The following UROS variants were observed in gnomAD, a reference collection of about 807,000 sequenced individuals.
UROS encodes the protein uroporphyrinogen-III synthase.
A neutral mutation model predicts 33.0 loss-of-function variants in UROS; 18 were observed. The ratio of observed to expected loss-of-function variants is 0.55; its 90% CI spans 0.38 to 0.81. The LOEUF is 0.81. Among genes scored for constraint, UROS ranks in the 30% least tolerant of loss-of-function variants. The pLI is 0.00. For missense variants in UROS, 293 were observed against 314.9 expected, an observed-to-expected ratio of 0.93 and a Z score of 0.53; for synonymous variants, 114 against 121.1, an observed-to-expected ratio of 0.94 and a Z score of 0.38.
At chr10:125,822,050 T>C (rs1213664006) in intron 1 of UROS, among the ~76,000 whole-genome samples, 2 of 152,178 alleles carry the variant, frequency 1.3e-5, no homozygotes, top group Non-Finnish European at 2.9e-5. Context: ...AGCAGCCTAT[T>C]AGCGCAGCTC....
chr10:125,796,822 C>T (rs1851411318), intron 7 of UROS: 3 of 985,376 alleles, frequency 3.0e-6, no homozygotes, highest in Non-Finnish European at 3.6e-6. Flanking sequence ...TTATGAGGGG[C>T]AGCCAGATGG....
chr10:125,814,833 G>A (rs149111974), intron 4 of UROS, among the ~76,000 whole-genome samples: 1 of 152,260 alleles, frequency 6.6e-6, no homozygotes, highest in African/African-American at 2.4e-5. Context: ...AATAGACAGG[G>A]GAAAGTCCTC....
chr10:125,796,187 C>A lies in UROS; in HGVS notation c.477G>T (p.Gly159=). 2 of 1,614,146 alleles carry A rather than the reference C, an allele frequency of 1.2e-6. No individual in the cohort carries two copies. The highest frequency in any genetic ancestry group is 1.7e-6 in the Non-Finnish European group (2 of 1,180,026). Residue 159 remains glycine (G), a splice_region_variant and synonymous_variant, in exon 8 of 10, where the codon GGG becomes GGT. Transcript: ENST00000368797. ...EILPKALKDK[G]IAMESITVYQ... ...ACACAGTTATGCTTTCCATGGCAAT[C>A]CCTGGGCACAATCAAAAGCAGGAAA...
intron 1 of UROS, among the ~76,000 whole-genome samples, chr10:125,822,696 G>A (rs1229817636): frequency 6.6e-6 from 1 of 152,178 alleles, no homozygotes; most frequent in Non-Finnish European, 1.5e-5. Context: ...GACCTCTGGT[G>A]ATCCACCCGC....
chr10:125,789,161 G>T, intron 9 of UROS, 156 bp from the exon 10 acceptor site: 1 of 1,416,406 alleles, frequency 7.1e-7, no homozygotes, highest in South Asian at 1.3e-5. Flanking sequence ...CCCGATTCTA[G>T]CCCAGCTTCT....
At chr10:125,822,075 A>G (rs1395365374) in intron 1 of UROS, among the ~76,000 whole-genome samples, 1 of 152,132 alleles carries the variant, frequency 6.6e-6, no homozygotes, top group African/African-American at 2.4e-5. Context: ...CATTCCTAGA[A>G]TCAAACATAT....
chr10:125,818,417 CAGG>C (rs1564806076), intron 1 of UROS, among the ~76,000 whole-genome samples: 2 of 152,048 alleles, frequency 1.3e-5, no homozygotes, highest in African/African-American at 4.8e-5. Context: ...CACTTGAGCC[CAGG>C]AGTTCAAGGT....
At chr10:125,791,054 T>C (rs1253238416) in intron 9 of UROS, among the ~76,000 whole-genome samples, 4 of 149,746 alleles carry the variant, frequency 2.7e-5, no homozygotes, top group African/African-American at 9.9e-5. Context: ...ATTGTGTCAC[T>C]GCACTCCAGC....
At chr10:125,788,105 T>G (rs1180021784), downstream of UROS, among the ~76,000 whole-genome samples, 1 of 152,176 alleles carries the variant, frequency 6.6e-6, no homozygotes, top group Non-Finnish European at 1.5e-5. Context: ...CAGAGGTGTG[T>G]GGGCAGAGCC....
intron 3 of UROS, among the ~76,000 whole-genome samples, chr10:125,815,363 C>T (rs540744844): frequency 5.9e-5 from 9 of 152,128 alleles, no homozygotes; most frequent in Non-Finnish European, 1.0e-4. Flanking sequence ...TCAGGAAGCT[C>T]AGAGTCTAGG....
At chr10:125,789,931 G>A (rs1240052424) in intron 9 of UROS, among the ~76,000 whole-genome samples, 1 of 152,222 alleles carries the variant, frequency 6.6e-6, no homozygotes. Flanking sequence ...ACTCTCCTCT[G>A]CATTGAGACT....
At chr10:125,794,731 C>G (rs1851203811) in intron 9 of UROS, 149 bp downstream of exon 9, 1 of 712,354 alleles carries the variant, frequency 1.4e-6, no homozygotes, top group Non-Finnish European at 2.3e-6. Flanking sequence ...GTGCAACAGC[C>G]CAGCAGGAGG....
intron 5 of UROS, among the ~76,000 whole-genome samples, chr10:125,808,650 T>C (rs1322040337): frequency 6.6e-6 from 1 of 152,220 alleles, no homozygotes; most frequent in Non-Finnish European, 1.5e-5. Context: ...AACTCTCATA[T>C]ATAGCTTTGC....
At chr10:125,800,565 C>CTTTTT (rs367801933) in intron 6 of UROS, among the ~76,000 whole-genome samples, 7 of 140,396 alleles carry the variant, frequency 5.0e-5, no homozygotes, top group Non-Finnish European at 9.2e-5. Context: ...TTCTTTCTTT[C>CTTTTT]TTTTTTTTTT....
chr10:125,818,980 A>G lies in UROS; in HGVS notation c.-26-2455T>C, dbSNP rs181889863. Among the ~76,000 whole-genome samples the G allele has an allele frequency of 2.9e-3, 376 of 128,456 alleles. 1 individual carries two copies. The highest frequency in any genetic ancestry group is 1.0e-2 in the African/African-American group (355 of 35,594). The allele number at this position is 128,456 out of a possible 152,430, so 84.3% of individuals were successfully genotyped here. A position where few individuals can be genotyped will look rare whatever the true frequency, so the allele number is the denominator to read the frequency against. ...CATACTCTACTTTCTTTCCTGTTCT[A>G]AAGTTTTTTGTTGTTGTTTTTTGAG... On this transcript the variant is annotated intron_variant, in intron 1 of 9. Transcript: ENST00000368797.
At position 125,816,160 on chromosome 10, in the gene UROS, G is replaced by C; in HGVS notation, c.147+17C>G. ...AAATCAAACACTAACATGGTGCTCAGTCACAACAGGCCTTACCTTCTCAGA... is the reference window on the plus strand; with the variant it reads ...AAATCAAACACTAACATGGTGCTCACTCACAACAGGCCTTACCTTCTCAGA... On this transcript the variant is annotated intron_variant, in intron 3 of 9. Transcript: ENST00000368797. 3 of 1,611,380 alleles carry C rather than the reference G, an allele frequency of 1.9e-6. No individual in the cohort carries two copies. The highest frequency in any genetic ancestry group is 2.5e-6 in the Non-Finnish European group (3 of 1,177,518).
downstream of UROS, chr10:125,785,842 G>A (rs930149097): frequency 6.6e-6 from 1 of 152,258 alleles, no homozygotes; most frequent in Non-Finnish European, 1.5e-5. Context: ...TCCAGGAGCT[G>A]GAGGGGAAGG....
chr10:125,796,950 A>G, intron 7 of UROS: 1 of 727,138 alleles, frequency 1.4e-6, no homozygotes, highest in Non-Finnish European at 1.7e-6. Flanking sequence ...CCTGAAAACT[A>G]AAGAAATAAA....
chr10:125,818,361 C>T (rs569571158), intron 1 of UROS, among the ~76,000 whole-genome samples: 2 of 151,986 alleles, frequency 1.3e-5, no homozygotes, highest in African/African-American at 4.8e-5. Flanking sequence ...GGCATAGTGG[C>T]GCATCCCTGT....
Sources: allele counts gnomAD v4.1 joint callset (sites outside exome capture counted in the v4.1 genomes callset), GRCh38; gene constraint gnomAD v4.1.1; transcripts MANE v1.5; gene names NCBI Gene and HGNC (gene_info 2026-07-23, HGNC 2026-07-21).